PIP4K2A: variants seen among roughly 807,000 people sequenced by gnomAD.
PIP4K2A encodes phosphatidylinositol-5-phosphate 4-kinase type 2 alpha.
In PIP4K2A, 14 loss-of-function variants were observed where a neutral mutation model predicts 42.9. The ratio of observed to expected loss-of-function variants is 0.33; its 90% CI spans 0.22 to 0.51. PIP4K2A has a LOEUF of 0.51. PIP4K2A is among the 20% of genes least tolerant of loss of function. The pLI is 0.97. For synonymous variants in PIP4K2A, 192 were observed against 192.2 expected, an observed-to-expected ratio of 1.00 and a Z score of 0.01; for missense variants, 434 against 519.8, an observed-to-expected ratio of 0.83 and a Z score of 1.61.
intron 7 of PIP4K2A, among the ~76,000 whole-genome samples, chr10:22,542,789 C>T (rs992951102): frequency 2.0e-5 from 3 of 152,214 alleles, no homozygotes; most frequent in Non-Finnish European, 4.4e-5. Context: ...AGACCTTCAG[C>T]ACAACGTTCC....
At chr10:22,664,081 A>ATATATACATATATATATATACGTATG (rs1839271250) in intron 1 of PIP4K2A, among the ~76,000 whole-genome samples, 1 of 82,032 alleles carries the variant, frequency 1.2e-5, no homozygotes, top group Non-Finnish European at 2.1e-5. Flanking sequence ...ATATACGTAT[A>ATATATACATATATATATATACGTATG]TATATATACA....
At chr10:22,672,931 C>A (rs1264921040) in intron 1 of PIP4K2A, among the ~76,000 whole-genome samples, 1 of 152,174 alleles carries the variant, frequency 6.6e-6, no homozygotes, top group African/African-American at 2.4e-5. Context: ...TCCTGAGAAG[C>A]CTTCTAGTAT....
chr10:22,683,436 A>G (rs1839700941), intron 1 of PIP4K2A, among the ~76,000 whole-genome samples: 1 of 152,172 alleles, frequency 6.6e-6, no homozygotes, highest in Non-Finnish European at 1.5e-5. Flanking sequence ...CTGACCGCAG[A>G]GCTGACAGTG....
chr10:22,664,039 A>G (rs1190291127), intron 1 of PIP4K2A, among the ~76,000 whole-genome samples: 6 of 105,908 alleles, frequency 5.7e-5, no homozygotes, highest in Non-Finnish European at 1.0e-4. Context: ...ATACATATAT[A>G]TATATATACA....
chr10:22,579,148 TAAAAAA>T (rs796885026), intron 4 of PIP4K2A, among the ~76,000 whole-genome samples: 2 of 148,502 alleles, frequency 1.3e-5, no homozygotes, highest in African/African-American at 5.0e-5. Context: ...ATGTTAATCT[TAAAAAA>T]AAAACAAGGC....
Position 22,536,494 on chromosome 10 carries a change from C to A in PIP4K2A, c.*707G>T, listed in dbSNP as rs1258183598. On this transcript the variant is annotated 3_prime_UTR_variant, in exon 10 of 10. Transcript: ENST00000376573. ...GGCTCTGGACACCAGGGGGTCCTGA[C>A]AAGGCTGGGGCCAGAACCCTGAACC... 5.5e-6 allele frequency: 1 copy of A among 180,458 alleles called. No individual in the cohort carries two copies. Among genetic ancestry groups the A allele is most frequent in the African/African-American group, 2.3e-5 (1 of 42,700 alleles). 11.2% of individuals were successfully genotyped at this position (180,458 alleles called of 1,614,324 possible).
chr10:22,696,558 T>C (rs1409449113), intron 1 of PIP4K2A, among the ~76,000 whole-genome samples: 4 of 152,150 alleles, frequency 2.6e-5, no homozygotes, highest in African/African-American at 7.2e-5. Context: ...TTTTTCAATC[T>C]TGCAGACATT....
chr10:22,666,065 G>A (rs1839344783), intron 1 of PIP4K2A, among the ~76,000 whole-genome samples: 1 of 151,880 alleles, frequency 6.6e-6, no homozygotes, highest in Non-Finnish European at 1.5e-5. Flanking sequence ...AGGAAAGGTT[G>A]CCTTGCCACC....
chr10:22,673,889 G>A (rs912483040), intron 1 of PIP4K2A, among the ~76,000 whole-genome samples: 3 of 152,140 alleles, frequency 2.0e-5, no homozygotes, highest in South Asian at 2.1e-4. Flanking sequence ...TTAATTATAC[G>A]GTCCCTCAAA....
chr10:22,652,283 T>A (rs1195777993), intron 1 of PIP4K2A, among the ~76,000 whole-genome samples: 1 of 151,866 alleles, frequency 6.6e-6, no homozygotes, highest in Non-Finnish European at 1.5e-5. Flanking sequence ...CCACCATGCC[T>A]ATTTTTTTGG....
At chr10:22,683,032 T>C (rs1331536238) in intron 1 of PIP4K2A, among the ~76,000 whole-genome samples, 1 of 151,682 alleles carries the variant, frequency 6.6e-6, no homozygotes, top group Non-Finnish European at 1.5e-5. Context: ...GCTGAGGCCA[T>C]TTCTGAAGCC....
intron 6 of PIP4K2A, among the ~76,000 whole-genome samples, chr10:22,563,420 G>A (rs1263422413): frequency 1.3e-5 from 2 of 152,084 alleles, no homozygotes; most frequent in Admixed American, 6.5e-5. Context: ...TCAAATAGAG[G>A]AAATACAAAT....
intron 1 of PIP4K2A, among the ~76,000 whole-genome samples, chr10:22,615,580 C>T (rs1302696563): frequency 6.6e-6 from 1 of 152,138 alleles, no homozygotes; most frequent in Non-Finnish European, 1.5e-5. Context: ...ATTGTGAAAT[C>T]CAAACAGTTT....
At chr10:22,644,838 T>C (rs1838848903) in intron 1 of PIP4K2A, among the ~76,000 whole-genome samples, 1 of 152,142 alleles carries the variant, frequency 6.6e-6, no homozygotes, top group African/African-American at 2.4e-5. Context: ...AATAAATAAA[T>C]GAACTAAATG....
At position 22,595,931 on chromosome 10, in the gene PIP4K2A, C is replaced by T. The variant is rs528974653; in HGVS notation, c.340-4150G>A. 1.3e-3 allele frequency among the ~76,000 whole-genome samples: 191 copies of T among 152,096 alleles called. 2 individuals are homozygous for T. Among genetic ancestry groups the T allele is most frequent in the South Asian group, 0.01 (49 of 4,824 alleles). On this transcript the variant is annotated intron_variant, in intron 3 of 9. Transcript: ENST00000376573. ...CTAAAAATGGATTTACTCAGCCGGGCGCAGTGGGGCACGCCTGTAATCCCA... is the reference window on the plus strand; with the variant it reads ...CTAAAAATGGATTTACTCAGCCGGGTGCAGTGGGGCACGCCTGTAATCCCA...
At chr10:22,674,634 G>A (rs1369805405) in intron 1 of PIP4K2A, among the ~76,000 whole-genome samples, 1 of 151,812 alleles carries the variant, frequency 6.6e-6, no homozygotes, top group African/African-American at 2.4e-5. Context: ...AACCACTAAC[G>A]AATTTTGTTT....
At chr10:22,578,231 C>T (rs975669389) in intron 4 of PIP4K2A, among the ~76,000 whole-genome samples, 6 of 152,168 alleles carry the variant, frequency 3.9e-5, no homozygotes, top group Non-Finnish European at 8.8e-5. Context: ...CTTTCTCCAT[C>T]TCTGGTCTCT....
chr10:22,616,695 T>TA (rs111976859), intron 1 of PIP4K2A, among the ~76,000 whole-genome samples: 16,304 of 147,648 alleles, frequency 0.11, 951 homozygotes, highest in Middle Eastern at 0.18. Flanking sequence ...ATTCCTTATT[T>TA]AAAAAAAAAA....
intron 1 of PIP4K2A, among the ~76,000 whole-genome samples, chr10:22,672,818 C>T (rs1839481424): frequency 1.3e-5 from 2 of 152,196 alleles, no homozygotes; most frequent in African/African-American, 4.8e-5. Flanking sequence ...AAACTCAAGA[C>T]AGTTAATACC....
Sources: gnomAD v4.1 joint callset for allele counts (sites outside exome capture counted in the v4.1 genomes callset) on GRCh38, gnomAD v4.1.1 for gene constraint, MANE v1.5 for transcripts, NCBI Gene and HGNC (gene_info 2026-07-23, HGNC 2026-07-21) for gene names.